EBF4: variants seen among roughly 807,000 people sequenced by gnomAD.
EBF4 encodes the protein transcription factor COE4.
EBF4 carries 34 observed loss-of-function variants against 67.1 expected under a neutral mutation model. The ratio of observed to expected loss-of-function variants is 0.51; its 90% CI spans 0.39 to 0.67. The LOEUF is 0.67. Ranked by LOEUF, EBF4 falls within the 30% of genes least tolerant of loss-of-function variation. The probability of loss-of-function intolerance (pLI) is 0.00; values close to 1 mark genes in which losing one functional copy is unlikely to be tolerated. For missense variants in EBF4, 837 were observed against 873.3 expected, an observed-to-expected ratio of 0.96 and a Z score of 0.52; for synonymous variants, 387 against 377.7, an observed-to-expected ratio of 1.02 and a Z score of -0.29.
chr20:2,720,292 T>C (rs2087662967), intron 6 of EBF4, among the ~76,000 whole-genome samples: 1 of 152,150 alleles, frequency 6.6e-6, no homozygotes, highest in Non-Finnish European at 1.5e-5. Context: ...AAGACAGGGT[T>C]TCACTATGTT....
chr20:2,748,721 C>A, intron 7 of EBF4, 91 bp downstream of exon 7: 1 of 1,411,634 alleles, frequency 7.1e-7, no homozygotes. Flanking sequence ...ACCCTGCCAC[C>A]CTGGGAAAGG....
intron 6 of EBF4, 106 bp downstream of exon 6, chr20:2,709,748 C>G (rs915900889): frequency 2.5e-5 from 29 of 1,174,776 alleles, no homozygotes; most frequent in Middle Eastern, 2.2e-4. Context: ...GAGCAGCCCC[C>G]CCGGGGCACC....
intron 16 of EBF4, 104 bp from the exon 17 acceptor site, chr20:2,759,164 C>A: frequency 1.6e-6 from 1 of 635,364 alleles, no homozygotes. Context: ...GTACTTGGCC[C>A]ACCCCAGTAA....
chr20:2,741,430 T>C (rs1219268185), intron 6 of EBF4, among the ~76,000 whole-genome samples: 1 of 152,206 alleles, frequency 6.6e-6, no homozygotes, highest in Non-Finnish European at 1.5e-5. Context: ...CTCTTTTGAG[T>C]AAAGCACTGT....
At chr20:2,711,174 A>ATAATAG (rs2087539512) in intron 6 of EBF4, among the ~76,000 whole-genome samples, 1 of 145,798 alleles carries the variant, frequency 6.9e-6, no homozygotes, top group Non-Finnish European at 1.5e-5. Flanking sequence ...AATAATAATA[A>ATAATAG]TAATAAAATT....
rs1411902375 is a variant in EBF4, at chr20:2,709,544, G to A, written c.489-30G>A. On this transcript the variant is annotated intron_variant, in intron 5 of 16. Coordinates refer to ENST00000609451, the Ensembl canonical transcript of EBF4. The stretch of plus-strand genomic sequence containing the variant: ...GTGGCCCCCTCCTTCCTTGGCTTCT[G>A]CCTTCCCTCCTTCCTCATCTTTCCT... 8 of 1,537,584 alleles carry A rather than the reference G, an allele frequency of 5.2e-6. No homozygotes were observed. The African/African-American group carries it at 1.1e-4, about 21-fold the overall frequency.
At chr20:2,752,179 C>T in exon 13 of EBF4, 1 of 1,433,912 alleles carries the variant, frequency 7.0e-7, no homozygotes. Context: ...CCCGAGCCAC[C>T]CACACCCCGC....
intron 6 of EBF4, among the ~76,000 whole-genome samples, chr20:2,726,021 T>C (rs1600222678): frequency 6.6e-6 from 1 of 152,216 alleles, no homozygotes; most frequent in African/African-American, 2.4e-5. Flanking sequence ...GAGGAACTCA[T>C]TCATTCAGAA....
At chr20:2,737,107 G>A (rs982642138) in intron 6 of EBF4, among the ~76,000 whole-genome samples, 34 of 150,764 alleles carry the variant, frequency 2.3e-4, no homozygotes, top group African/African-American at 5.1e-4. Flanking sequence ...AAAATTAGCC[G>A]GGCGTGGTGG....
At position 2,707,017 on chromosome 20, in the gene EBF4, G is replaced by A. The variant is rs957790841; in HGVS notation, c.414+753G>A. 6.6e-6 allele frequency among the ~76,000 whole-genome samples: 1 copy of A among 152,246 alleles called. No individual in the cohort carries two copies. Among genetic ancestry groups the A allele is most frequent in the Non-Finnish European group, 1.5e-5 (1 of 68,048 alleles). On this transcript the variant is annotated intron_variant, in intron 4 of 16. Transcript: ENST00000609451. This position sits in a 1 kb window ranked among gnomAD's most constrained non-coding sequence, Gnocchi z 4.6. ...AATCTCAGGGCTTTTCAGAGAAGCTGTGCATGCTGGCAAGGAGGGGGCTGA... is the reference window on the plus strand; with the variant it reads ...AATCTCAGGGCTTTTCAGAGAAGCTATGCATGCTGGCAAGGAGGGGGCTGA...
At chr20:2,724,912 AAAAG>A (rs1330611133) in intron 6 of EBF4, among the ~76,000 whole-genome samples, 3 of 152,210 alleles carry the variant, frequency 2.0e-5, no homozygotes, top group African/African-American at 7.2e-5. Context: ...TCAAAAAAGA[AAAAG>A]AAAAGTTCAG....
rs1332723331 is a variant in EBF4, at chr20:2,756,540, G to A, written c.1738+716G>A. On this transcript the variant is annotated intron_variant, in intron 15 of 16. Coordinates refer to ENST00000609451, the Ensembl canonical transcript of EBF4. The surrounding 1 kb of genome is among the most constrained non-coding windows in gnomAD (Gnocchi z 4.5). ...ATGGGGATGGTGGGGGCCAGGGCCA[G>A]TGTCTTCCCTAAGAGGCTTACAGGT... Among the ~76,000 whole-genome samples, 1 of 152,262 alleles carries A rather than the reference G, an allele frequency of 6.6e-6. No individual in the cohort carries two copies. The highest frequency in any genetic ancestry group is 2.4e-5 in the African/African-American group (1 of 41,476).
chr20:2,732,467 T>C (rs1452495076), intron 6 of EBF4, among the ~76,000 whole-genome samples: 1 of 152,236 alleles, frequency 6.6e-6, no homozygotes, highest in African/African-American at 2.4e-5. Flanking sequence ...TTTCTGATGA[T>C]AGACACTTTT....
intron 1 of EBF4, among the ~76,000 whole-genome samples, chr20:2,694,607 C>T (rs1051331008): frequency 6.6e-6 from 1 of 152,134 alleles, no homozygotes; most frequent in African/African-American, 2.4e-5. Flanking sequence ...TGGGGAGTCA[C>T]AGTGGTTAGG....
At chr20:2,709,492 G>C (rs2087509317) in intron 5 of EBF4, 82 bp from the exon 6 acceptor site, 1 of 1,350,838 alleles carries the variant, frequency 7.4e-7, no homozygotes, top group Non-Finnish European at 1.0e-6. Flanking sequence ...CTCAGCTCAG[G>C]GCGCCCCCCA....
In EBF4 at chr20:2,745,038, G is replaced by A. The variant is rs902861861; in HGVS notation, c.558-3511G>A. Among the ~76,000 whole-genome samples the A allele has an allele frequency of 2.0e-5, 3 of 152,170 alleles. No individual in the cohort carries two copies. The highest frequency in any genetic ancestry group is 2.9e-5 in the Non-Finnish European group (2 of 68,040). On this transcript the variant is annotated intron_variant, in intron 6 of 16. Coordinates refer to ENST00000609451, the Ensembl canonical transcript of EBF4. This position sits in a 1 kb window ranked among gnomAD's most constrained non-coding sequence, Gnocchi z 5.2. ...GCCACACTGCAAGGGTTCATGCCGCGTGGGGCTGGTGGCTATAGTAATGGG... is the reference window on the plus strand; with the variant it reads ...GCCACACTGCAAGGGTTCATGCCGCATGGGGCTGGTGGCTATAGTAATGGG...
upstream of EBF4, chr20:2,693,513 C>T: frequency 2.7e-6 from 3 of 1,121,116 alleles, no homozygotes; most frequent in South Asian, 6.8e-5. The surrounding 1 kb of genome is among the most constrained non-coding windows in gnomAD (Gnocchi z 4.6). Context: ...GGCGAGCGCG[C>T]ACTGAGCCAC....
intron 6 of EBF4, among the ~76,000 whole-genome samples, chr20:2,716,082 G>A: frequency 6.6e-6 from 1 of 151,872 alleles, no homozygotes; most frequent in East Asian, 1.9e-4. Flanking sequence ...ATCTTGCCAG[G>A]CACAATAGCT....
intron 6 of EBF4, among the ~76,000 whole-genome samples, chr20:2,730,546 C>G (rs2087800008): frequency 6.6e-6 from 1 of 152,220 alleles, no homozygotes; most frequent in South Asian, 2.1e-4. Flanking sequence ...CCATTCAACT[C>G]ACTACCCCCA....
Sources: gnomAD v4.1 joint callset for allele counts (sites outside exome capture counted in the v4.1 genomes callset) on GRCh38, gnomAD v4.1.1 for gene constraint, Gnocchi (gnomAD v3.1) non-coding constraint, MANE v1.5 for transcripts, NCBI Gene and HGNC (gene_info 2026-07-23, HGNC 2026-07-21) for gene names.